The following CLIC2 variants were observed in gnomAD, a reference collection of about 807,000 sequenced individuals.
The protein encoded by CLIC2 is chloride intracellular channel protein 2.
A neutral mutation model predicts 14.8 loss-of-function variants in CLIC2; 9 were observed. The observed-to-expected ratio is 0.61, with a 90% confidence interval of 0.37 to 1.06. The LOEUF is 1.06. CLIC2 is among the 50% of genes least tolerant of loss of function. The probability of loss-of-function intolerance (pLI) is 0.01; values close to 1 mark genes in which losing one functional copy is unlikely to be tolerated. For missense variants in CLIC2, 148 were observed against 181.4 expected (o/e 0.82, Z 1.06); for synonymous variants, 61 against 66.3 (o/e 0.92, Z 0.39).
intron 1 of CLIC2, among the ~76,000 whole-genome samples, chrX:155,299,793 T>C: frequency 1.1e-5 from 1 of 93,986 alleles, no homozygotes; most frequent in East Asian, 3.7e-4. Context: ...GATCTCATTG[T>C]TCAATTCCCA....
intron 1 of CLIC2, among the ~76,000 whole-genome samples, chrX:155,300,971 G>T (rs1228475795): frequency 1.3e-4 from 8 of 60,355 alleles, no homozygotes; most frequent in African/African-American, 3.6e-4. Flanking sequence ...TGCTGTTTTG[G>T]TTACTGTAGC....
At chrX:155,311,133 C>T (rs1400186538) in intron 1 of CLIC2, among the ~76,000 whole-genome samples, 2 of 112,356 alleles carry the variant, frequency 1.8e-5, no homozygotes, top group Admixed American at 9.4e-5. Context: ...CTCCTTGTTA[C>T]TTATGCAAAT....
At chrX:155,292,732 T>C (rs782500232) in intron 3 of CLIC2, 49 of 418,790 alleles carry the variant, frequency 1.2e-4, no homozygotes, top group South Asian at 3.7e-4. Context: ...ATCGCGCCAC[T>C]GCACTCCAGC....
intron 3 of CLIC2, among the ~76,000 whole-genome samples, chrX:155,290,171 T>A (rs1557317442): frequency 8.9e-6 from 1 of 112,122 alleles, no homozygotes; most frequent in Admixed American, 9.5e-5. Context: ...TAGCTTTAAG[T>A]CAAAAATAGA....
At chrX:155,324,221 T>C (rs782247179) in intron 1 of CLIC2, among the ~76,000 whole-genome samples, 3 of 112,151 alleles carry the variant, frequency 2.7e-5, no homozygotes, top group African/African-American at 9.7e-5. Context: ...AGTATAATAA[T>C]AATTTTTAAA....
chrX:155,285,853 G>A (rs1012124036), intron 3 of CLIC2, among the ~76,000 whole-genome samples: 2 of 108,215 alleles, frequency 1.8e-5, no homozygotes, highest in Non-Finnish European at 3.8e-5. Context: ...TTGGTTTTAA[G>A]GAGCGGAGAG....
In CLIC2 at chrX:155,277,578, C is replaced by T. The variant is rs981731539; in HGVS notation, c.*325G>A. 7 of 187,875 alleles carry T rather than the reference C, an allele frequency of 3.7e-5. No homozygotes were observed. The highest frequency in any genetic ancestry group is 9.1e-5 in the African/African-American group (3 of 32,795). The allele number at this position is 187,875 out of a possible 1,213,427, so 15.5% of individuals were successfully genotyped here. ...GGTGAGATTGTACCTCTACTTATGA[C>T]ATTTATAACTGCAGACATCTGTTTA... On this transcript the variant is annotated 3_prime_UTR_variant, in exon 6 of 6. Transcript: ENST00000369449.
chrX:155,279,290 A>G lies in CLIC2; in HGVS notation c.441T>C (p.Asp147=). ...KSLLKEFKRL[D]DYLNTPLLDE... ...CCAGAAGTGGGGTGTTTAAGTAGTCATCCAGACGCTTGAATTCTTTGAGCA... is the reference window on the plus strand; with the variant it reads ...CCAGAAGTGGGGTGTTTAAGTAGTCGTCCAGACGCTTGAATTCTTTGAGCA... Residue 147 remains aspartate (D), a synonymous_variant, in exon 5 of 6, where the codon GAT becomes GAC. Coordinates refer to ENST00000369449, the MANE Select transcript of CLIC2 (RefSeq NM_001289.6). The G allele has an allele frequency of 2.5e-6, 3 of 1,210,459 alleles. No individual in the cohort carries two copies. Among genetic ancestry groups the G allele is most frequent in the Middle Eastern group, 2.3e-4 (1 of 4,341 alleles).
chrX:155,315,785 A>T (rs1365375193), intron 1 of CLIC2, among the ~76,000 whole-genome samples: 3 of 111,485 alleles, frequency 2.7e-5, no homozygotes, highest in African/African-American at 9.8e-5. Context: ...TTGAATGTAA[A>T]TGGCCTAAAT....
At chrX:155,320,503 A>G (rs1166058876) in intron 1 of CLIC2, among the ~76,000 whole-genome samples, 1 of 112,300 alleles carries the variant, frequency 8.9e-6, no homozygotes, top group East Asian at 2.8e-4. Flanking sequence ...TACAGAAAGG[A>G]ATAGCATCAA....
intron 1 of CLIC2, among the ~76,000 whole-genome samples, chrX:155,319,106 T>G (rs1049006951): frequency 1.3e-4 from 15 of 112,019 alleles, no homozygotes; most frequent in African/African-American, 4.9e-4. Context: ...CCATAAAAAT[T>G]CTAGAAGAAA....
rs1230427249 is a variant in CLIC2 at position 155,280,390 on chromosome X, G to A, written c.294-322C>T. Among the ~76,000 whole-genome samples the A allele has an allele frequency of 4.5e-5, 5 of 112,234 alleles. No individual in the cohort carries two copies. The Admixed American group carries it at 4.7e-4, about 11-fold the overall frequency. On this transcript the variant is annotated intron_variant, in intron 3 of 5. Coordinates refer to ENST00000369449, the MANE Select transcript of CLIC2 (RefSeq NM_001289.6). ...CAGTACAATACATTTGCAGACATGA[G>A]TAGTAGAAAAATATGGTTTTGGCCA...
chrX:155,307,257 C>T (rs2075059158), intron 1 of CLIC2, among the ~76,000 whole-genome samples: 1 of 111,043 alleles, frequency 9.0e-6, no homozygotes, highest in Non-Finnish European at 1.9e-5. Context: ...GGAAGGCCTT[C>T]CCTGAGGAAG....
chrX:155,320,248 C>T (rs1361091011), intron 1 of CLIC2, among the ~76,000 whole-genome samples: 3 of 112,244 alleles, frequency 2.7e-5, no homozygotes, highest in Non-Finnish European at 3.8e-5. Flanking sequence ...CCCTGACCCC[C>T]GTGCCTCCTG....
At position 155,277,824 on chromosome X, in the gene CLIC2, T is replaced by G. The variant is rs2124144220; in HGVS notation, c.*79A>C. On this transcript the variant is annotated 3_prime_UTR_variant, in exon 6 of 6. Coordinates refer to ENST00000369449, the MANE Select transcript of CLIC2 (RefSeq NM_001289.6). ...AGAAGAAACAGTATTTTTCATATTC[T>G]TATTTGCAAAAACCTTTCTAATATG... The G allele has an allele frequency of 1.1e-6, 1 of 894,261 alleles. No individual in the cohort carries two copies. Among genetic ancestry groups the G allele is most frequent in the Non-Finnish European group, 1.6e-6 (1 of 616,151 alleles). 73.7% of individuals were successfully genotyped at this position (894,261 alleles called of 1,213,427 possible). A position where few individuals can be genotyped will look rare whatever the true frequency, so the allele number is the denominator to read the frequency against.
intron 3 of CLIC2, among the ~76,000 whole-genome samples, chrX:155,283,678 T>C (rs2074928683): frequency 9.0e-6 from 1 of 110,946 alleles, no homozygotes; most frequent in African/African-American, 3.3e-5. Flanking sequence ...TGCCATACTT[T>C]CTTGTTTCCT....
intron 1 of CLIC2, among the ~76,000 whole-genome samples, chrX:155,306,993 T>C (rs2075057989): frequency 8.9e-6 from 1 of 111,949 alleles, no homozygotes; most frequent in Non-Finnish European, 1.9e-5. Flanking sequence ...AAATTTTATA[T>C]GCACTTGAGT....
intron 1 of CLIC2, among the ~76,000 whole-genome samples, chrX:155,300,574 T>G (rs1219706157): frequency 9.0e-6 from 1 of 111,346 alleles, no homozygotes; most frequent in Non-Finnish European, 1.9e-5. Flanking sequence ...AGAAGCTCTT[T>G]AGTTGAATTA....
chrX:155,301,941 G>C (rs1446076877), intron 1 of CLIC2, among the ~76,000 whole-genome samples: 1 of 91,132 alleles, frequency 1.1e-5, no homozygotes, highest in Non-Finnish European at 2.2e-5. Context: ...ACTTGATCAT[G>C]GTGGATAAGC....
Sources: allele counts gnomAD v4.1 joint callset (sites outside exome capture counted in the v4.1 genomes callset), GRCh38; gene constraint gnomAD v4.1.1; transcripts MANE v1.5; gene names NCBI Gene and HGNC (gene_info 2026-07-23, HGNC 2026-07-21).